Variants in ERCC8 observed in about 807,000 individuals in gnomAD.
The protein encoded by ERCC8 is DNA excision repair protein ERCC-8.
ERCC8 carries 52 observed loss-of-function variants against 54.9 expected under a neutral mutation model. The ratio of observed to expected loss-of-function variants is 0.95; its 90% CI spans 0.76 to 1.19. The LOEUF (loss-of-function observed/expected upper bound fraction) is 1.19. Ranked by LOEUF, ERCC8 falls within the 50% of genes most tolerant of loss-of-function variation. The probability of loss-of-function intolerance (pLI) is 0.00; values close to 1 mark genes in which losing one functional copy is unlikely to be tolerated. For missense variants in ERCC8, 514 were observed against 466.1 expected, an observed-to-expected ratio of 1.10 and a Z score of -0.95; for synonymous variants, 146 against 157.2, an observed-to-expected ratio of 0.93 and a Z score of 0.53.
Position 60,868,018 on chromosome 5 carries a change from T to G in ERCC8, c.*6597A>C, listed in dbSNP as rs6885989. The stretch of plus-strand genomic sequence containing the variant: ...CAACATGGAGAAACCCTGTCTCTAC[T>G]AAAAATACAAAATAAGCCAGGCATG... On this transcript the variant is annotated 3_prime_UTR_variant, in exon 12 of 12. Coordinates refer to ENST00000676185, the MANE Select transcript of ERCC8 (RefSeq NM_000082.4). Among the ~76,000 whole-genome samples the G allele has an allele frequency of 0.39, 59,377 of 151,994 alleles. 12,661 individuals carry two copies. Among genetic ancestry groups the G allele is most frequent in the African/African-American group, 0.54 (22,497 of 41,458 alleles).
At chr5:60,885,188 A>G (rs1314325517) in intron 11 of ERCC8, among the ~76,000 whole-genome samples, 2 of 151,792 alleles carry the variant, frequency 1.3e-5, no homozygotes, top group Non-Finnish European at 2.9e-5. Context: ...AATTTTGTCT[A>G]TTTTTTGTAG....
In ERCC8 at chr5:60,867,021, A is replaced by G. The variant is rs1398905093; in HGVS notation, c.*7594T>C. 1 of 151,274 alleles carries G rather than the reference A, an allele frequency of 6.6e-6. No homozygotes were observed. The highest frequency in any genetic ancestry group is 1.5e-5 in the Non-Finnish European group (1 of 67,922). 9.4% of individuals were successfully genotyped at this position (151,274 alleles called of 1,614,324 possible). The stretch of plus-strand genomic sequence containing the variant: ...CTAATTTTTTTTTTGTATTTTTAGT[A>G]AAGACGGGGTTTCACCATGTTAGCC... On this transcript the variant is annotated 3_prime_UTR_variant, in exon 12 of 12. Coordinates refer to ENST00000676185, the MANE Select transcript of ERCC8 (RefSeq NM_000082.4).
At chr5:60,897,145 G>A (rs1038595447) in intron 9 of ERCC8, among the ~76,000 whole-genome samples, 2 of 152,112 alleles carry the variant, frequency 1.3e-5, no homozygotes, top group African/African-American at 4.8e-5. Context: ...TGACTAGAAT[G>A]ATATCCCCCA....
intron 1 of ERCC8, among the ~76,000 whole-genome samples, chr5:60,940,540 GAGA>G (rs772618308): frequency 5.9e-5 from 9 of 152,316 alleles, no homozygotes; most frequent in Non-Finnish European, 1.0e-4. Flanking sequence ...GGAGATCACA[GAGA>G]AGAAGGAGCT....
rs1422877663 is a variant in ERCC8 at position 60,871,405 on chromosome 5, G to T, written c.*3210C>A. ...CAAAATAAAAATACATCCCCTATATGTCTGCATAGATATATATAGGATTGC... is the reference window on the plus strand; with the variant it reads ...CAAAATAAAAATACATCCCCTATATTTCTGCATAGATATATATAGGATTGC... On this transcript the variant is annotated 3_prime_UTR_variant, in exon 12 of 12. Transcript: ENST00000676185. 6.6e-6 allele frequency among the ~76,000 whole-genome samples: 1 copy of T among 152,102 alleles called. No individual in the cohort carries two copies. The highest frequency in any genetic ancestry group is 2.4e-5 in the African/African-American group (1 of 41,416).
chr5:60,923,024 G>C (rs1163828151), intron 2 of ERCC8, among the ~76,000 whole-genome samples: 1 of 152,058 alleles, frequency 6.6e-6, no homozygotes, highest in East Asian at 1.9e-4. Flanking sequence ...GGAACCAAAA[G>C]AAGGGATTTG....
intron 9 of ERCC8, among the ~76,000 whole-genome samples, chr5:60,897,436 C>A (rs555165360): frequency 6.6e-6 from 1 of 152,318 alleles, no homozygotes; most frequent in African/African-American, 2.4e-5. Flanking sequence ...TCTAATACTG[C>A]CTGGCAAATT....
chr5:60,923,305 T>C (rs570492164), intron 2 of ERCC8, among the ~76,000 whole-genome samples: 60 of 152,296 alleles, frequency 3.9e-4, no homozygotes, highest in African/African-American at 1.4e-3. Flanking sequence ...ACTTAATAAT[T>C]TGTAAAATCA....
chr5:60,911,333 T>C (rs902954325), intron 4 of ERCC8, among the ~76,000 whole-genome samples: 28 of 152,210 alleles, frequency 1.8e-4, no homozygotes, highest in Non-Finnish European at 8.8e-5. Flanking sequence ...TGATTTGCAT[T>C]TCTCTGATGA....
At chr5:60,910,480 A>G (rs958353110) in intron 4 of ERCC8, among the ~76,000 whole-genome samples, 2 of 152,148 alleles carry the variant, frequency 1.3e-5, no homozygotes, top group Non-Finnish European at 2.9e-5. Flanking sequence ...TAGAACTGAT[A>G]TTTTTATCAC....
chr5:60,881,985 T>A (rs951615217), intron 11 of ERCC8, among the ~76,000 whole-genome samples: 1 of 152,192 alleles, frequency 6.6e-6, no homozygotes, highest in Non-Finnish European at 1.5e-5. Flanking sequence ...GCTGTTCCTA[T>A]TCGGCCATCT....
At chr5:60,905,701 C>A (rs557464378) in intron 4 of ERCC8, among the ~76,000 whole-genome samples, 142 of 152,340 alleles carry the variant, frequency 9.3e-4, no homozygotes, top group Non-Finnish European at 1.5e-3. Context: ...GTTCTTCCTG[C>A]CTGCTGCACA....
At position 60,872,184 on chromosome 5, in the gene ERCC8, T is replaced by G. The variant is rs983293692; in HGVS notation, c.*2431A>C. Among the ~76,000 whole-genome samples, 1 of 152,112 alleles carries G rather than the reference T, an allele frequency of 6.6e-6. No homozygotes were observed. Among genetic ancestry groups the G allele is most frequent in the Admixed American group, 6.6e-5 (1 of 15,258 alleles). On this transcript the variant is annotated 3_prime_UTR_variant, in exon 12 of 12. Transcript: ENST00000676185. ...AGTAGAATGGCCTGGGCTTAATAAA[T>G]CAATGATTTGAAACTATCAGAAGAA...
At chr5:60,879,461 C>G (rs1198717866) in intron 11 of ERCC8, among the ~76,000 whole-genome samples, 1 of 152,106 alleles carries the variant, frequency 6.6e-6, no homozygotes, top group African/African-American at 2.4e-5. Context: ...CTAATGTTGA[C>G]AGTGGGGTGT....
chr5:60,893,158 C>A lies in ERCC8; in HGVS notation c.844-2072G>T. Reference sequence around the variant, plus strand: ...CCCATTTGGAAGCAGCAGCAGCAGCCTAATGGGTCTCTGGCATCCAGGACT... The same window carrying A: ...CCCATTTGGAAGCAGCAGCAGCAGCATAATGGGTCTCTGGCATCCAGGACT... On this transcript the variant is annotated intron_variant, in intron 9 of 11. Coordinates refer to ENST00000676185, the MANE Select transcript of ERCC8 (RefSeq NM_000082.4). 4 of 902,128 alleles carry A rather than the reference C, an allele frequency of 4.4e-6. No individual in the cohort carries two copies. In the South Asian group the frequency reaches 5.3e-5, roughly 12 times the overall value. The allele number at this position is 902,128 out of a possible 1,614,324, so 55.9% of individuals were successfully genotyped here.
At chr5:60,875,668 T>C (rs746876980) in intron 11 of ERCC8, among the ~76,000 whole-genome samples, 6 of 152,120 alleles carry the variant, frequency 3.9e-5, no homozygotes, top group Non-Finnish European at 8.8e-5. Flanking sequence ...TAAATTATTT[T>C]AGATTTATTG....
chr5:60,944,995 A>G lies in ERCC8; in HGVS notation c.14T>C (p.Leu5Ser), dbSNP rs763400295. The G allele has an allele frequency of 2.5e-6, 4 of 1,613,354 alleles. No individual in the cohort carries two copies. Among genetic ancestry groups the G allele is most frequent in the Admixed American group, 1.7e-5 (1 of 60,004 alleles). Reference protein sequence around the residue: MLGFLSARQTGLEDP... With the variant: MLGFSSARQTGLEDP... ...CTCCAAACCCGTTTGGCGTGCGGAC[A>G]AAAACCCCAGCATATCGTGTCCTCA... The change falls in exon 1 of 12, where the codon TTG (leucine) becomes TCG (serine). Residue 5 changes from leucine to serine, a missense_variant. Transcript: ENST00000676185.
chr5:60,912,854 C>T (rs183962123), intron 4 of ERCC8, among the ~76,000 whole-genome samples: 27 of 152,016 alleles, frequency 1.8e-4, no homozygotes, highest in East Asian at 9.7e-4. Flanking sequence ...GATAATCATG[C>T]GGTTTTTGTC....
chr5:60,913,286 T>C (rs760125962), intron 4 of ERCC8, among the ~76,000 whole-genome samples: 41 of 152,130 alleles, frequency 2.7e-4, no homozygotes, highest in Non-Finnish European at 4.7e-4. Flanking sequence ...TATTGGTCTA[T>C]TCAGAGATTC....
Sources: gnomAD v4.1 joint callset for allele counts (sites outside exome capture counted in the v4.1 genomes callset) on GRCh38, gnomAD v4.1.1 for gene constraint, MANE v1.5 for transcripts, NCBI Gene and HGNC (gene_info 2026-07-23, HGNC 2026-07-21) for gene names.